DEPTOR: variants seen among roughly 807,000 people sequenced by gnomAD.
DEPTOR encodes the protein DEP domain-containing mTOR-interacting protein.
In DEPTOR, 41 loss-of-function variants were observed where a neutral mutation model predicts 41.6. That is an observed-to-expected ratio of 0.98 (90% CI 0.77 to 1.28). DEPTOR has a LOEUF of 1.28. Ranked by LOEUF, DEPTOR falls within the 50% of genes most tolerant of loss-of-function variation. The pLI is 0.00. For missense variants in DEPTOR, 514 were observed against 527.9 expected (o/e 0.97, Z 0.26); for synonymous variants, 195 against 192.3 (o/e 1.01, Z -0.12).
intron 4 of DEPTOR, among the ~76,000 whole-genome samples, chr8:119,968,371 G>A (rs1828591048): frequency 6.6e-6 from 1 of 151,718 alleles, no homozygotes; most frequent in Non-Finnish European, 1.5e-5. Context: ...TGATCATGCA[G>A]GGGCAGATCT....
At chr8:120,020,763 T>C (rs1334217616) in intron 8 of DEPTOR, among the ~76,000 whole-genome samples, 1 of 152,152 alleles carries the variant, frequency 6.6e-6, no homozygotes, top group African/African-American at 2.4e-5. Flanking sequence ...ATTCTTCACC[T>C]TTAAAATGAT....
chr8:119,966,958 G>C (rs2129973536), intron 4 of DEPTOR, among the ~76,000 whole-genome samples: 1 of 152,318 alleles, frequency 6.6e-6, no homozygotes, highest in East Asian at 1.9e-4. Context: ...TTAATAGACT[G>C]AGTAGAGCAG....
In DEPTOR at chr8:120,008,989, A is replaced by G. The variant is rs573865495; in HGVS notation, c.997-40A>G. ...CTCAGAAGAATAAGCAAATTGCCGG[A>G]GACAGTCGGCTGCTTGCTAATTGTG... On this transcript the variant is annotated intron_variant, in intron 7 of 8. Transcript: ENST00000286234. The G allele has an allele frequency of 2.5e-6, 4 of 1,594,552 alleles. No homozygotes were observed. In the South Asian group the frequency reaches 4.5e-5, roughly 18 times the overall value.
chr8:119,908,951 G>A (rs185938272), intron 1 of DEPTOR, among the ~76,000 whole-genome samples: 2 of 151,834 alleles, frequency 1.3e-5, no homozygotes, highest in South Asian at 2.1e-4. Context: ...AGAGCCTTAG[G>A]CTAAAATAGA....
intron 4 of DEPTOR, among the ~76,000 whole-genome samples, chr8:119,992,948 C>T (rs1419747963): frequency 3.3e-5 from 5 of 152,086 alleles, no homozygotes; most frequent in African/African-American, 4.8e-5. Flanking sequence ...TGAGCCACTG[C>T]GCCCAACGAA....
chr8:120,048,962 T>C (rs1164638855), intron 8 of DEPTOR, among the ~76,000 whole-genome samples: 2 of 152,202 alleles, frequency 1.3e-5, no homozygotes, highest in African/African-American at 4.8e-5. Flanking sequence ...CCAATACTCT[T>C]CCCAGTACTC....
intron 4 of DEPTOR, among the ~76,000 whole-genome samples, chr8:119,980,513 C>CTTT (rs756119836): frequency 1.8e-3 from 158 of 87,650 alleles, no homozygotes; most frequent in African/African-American, 4.1e-3. Context: ...CTTTTCTTTT[C>CTTT]TCTCTTTGTG....
chr8:119,942,599 T>C (rs934571467), intron 3 of DEPTOR, among the ~76,000 whole-genome samples: 6 of 152,308 alleles, frequency 3.9e-5, no homozygotes, highest in African/African-American at 1.4e-4. Context: ...TTCCGCCAAG[T>C]TTTCCTAATC....
chr8:119,880,770 C>T (rs1305987902), intron 1 of DEPTOR, among the ~76,000 whole-genome samples: 1 of 152,204 alleles, frequency 6.6e-6, no homozygotes, highest in South Asian at 2.1e-4. Flanking sequence ...GAATTTGTAA[C>T]CATTTTAATG....
intron 1 of DEPTOR, among the ~76,000 whole-genome samples, chr8:119,910,842 T>C (rs1387549780): frequency 6.6e-6 from 1 of 152,154 alleles, no homozygotes; most frequent in Non-Finnish European, 1.5e-5. Flanking sequence ...GCCTAAACAT[T>C]TGACTACGTG....
At chr8:120,002,789 A>T (rs866139518) in intron 5 of DEPTOR, among the ~76,000 whole-genome samples, 188 bp from the exon 6 acceptor site, 40 of 59,238 alleles carry the variant, frequency 6.8e-4, no homozygotes, top group African/African-American at 2.7e-3. Flanking sequence ...AAAAAAAAAA[A>T]AAATATATAT....
chr8:119,992,248 C>T (rs1320013854), intron 4 of DEPTOR, among the ~76,000 whole-genome samples: 1 of 152,202 alleles, frequency 6.6e-6, no homozygotes, highest in African/African-American at 2.4e-5. Flanking sequence ...CACCCTTGTG[C>T]ACTTGGTGAA....
Position 119,921,756 on chromosome 8 carries a change from TTTTG to T in DEPTOR, c.123-6628_123-6625del, listed in dbSNP as rs888995599. On this transcript the variant is annotated intron_variant, in intron 1 of 8. Coordinates refer to ENST00000286234, the MANE Select transcript of DEPTOR (RefSeq NM_022783.4). ...AAAGGTTCTATTCTGTAGTTTTTTTTTTTGTTTGTTTGTTTGTTTTTTGAAACAG... is the reference window on the plus strand; with the variant it reads ...AAAGGTTCTATTCTGTAGTTTTTTTTTTTGTTTGTTTGTTTTTTGAAACAG... Among the ~76,000 whole-genome samples the T allele has an allele frequency of 1.3e-4, 19 of 146,560 alleles. 1 individual carries two copies. The highest frequency in any genetic ancestry group is 2.2e-4 in the Non-Finnish European group (15 of 67,156).
At position 120,025,397 on chromosome 8, in the gene DEPTOR, A is replaced by G. The variant is rs1317498164; in HGVS notation, c.1101+16264A>G. Among the ~76,000 whole-genome samples, 4 of 152,116 alleles carry G rather than the reference A, an allele frequency of 2.6e-5. No individual in the cohort carries two copies. In the East Asian group the frequency reaches 7.7e-4, roughly 29 times the overall value. ...CCAGATGAAATCAAATATTGTTGGC[A>G]TTCTAGTTACAGCTTATGGTTCTCC... On this transcript the variant is annotated intron_variant, in intron 8 of 8. Coordinates refer to ENST00000286234, the MANE Select transcript of DEPTOR (RefSeq NM_022783.4).
intron 8 of DEPTOR, among the ~76,000 whole-genome samples, chr8:120,034,621 T>C (rs551642529): frequency 6.6e-6 from 1 of 151,884 alleles, no homozygotes; most frequent in East Asian, 1.9e-4. Context: ...CTAATTGTTT[T>C]GTATTTTTAG....
At chr8:119,913,994 A>G (rs1358879369) in intron 1 of DEPTOR, among the ~76,000 whole-genome samples, 3 of 151,260 alleles carry the variant, frequency 2.0e-5, no homozygotes, top group Admixed American at 2.0e-4. Flanking sequence ...TTCCCCATCA[A>G]AATGGGAATG....
chr8:119,929,607 G>A (rs1430254002), intron 2 of DEPTOR, among the ~76,000 whole-genome samples: 3 of 152,038 alleles, frequency 2.0e-5, no homozygotes, highest in Non-Finnish European at 4.4e-5. Context: ...GATGGTGATG[G>A]TGATAATAAT....
intron 1 of DEPTOR, among the ~76,000 whole-genome samples, chr8:119,897,293 G>C (rs1827532470): frequency 6.6e-6 from 1 of 152,142 alleles, no homozygotes; most frequent in African/African-American, 2.4e-5. Context: ...CCAGCACTTT[G>C]GGAGGCCGAG....
At chr8:119,881,161 G>A (rs1023173190) in intron 1 of DEPTOR, among the ~76,000 whole-genome samples, 52 of 152,142 alleles carry the variant, frequency 3.4e-4, no homozygotes, top group African/African-American at 1.7e-4. Flanking sequence ...TAATAAAAAC[G>A]TCTTTAATAA....
Sources: allele counts gnomAD v4.1 joint callset (sites outside exome capture counted in the v4.1 genomes callset), GRCh38; gene constraint gnomAD v4.1.1; transcripts MANE v1.5; gene names NCBI Gene and HGNC (gene_info 2026-07-23, HGNC 2026-07-21).